RARB: variants seen among roughly 807,000 people sequenced by gnomAD.
RARB encodes HBV-activated protein.
RARB carries 17 observed loss-of-function variants against 51.9 expected under a neutral mutation model. That is an observed-to-expected ratio of 0.33 (90% CI 0.22 to 0.49). The LOEUF (loss-of-function observed/expected upper bound fraction) is 0.49, where lower values mean the gene tolerates loss of function less well. Ranked by LOEUF, RARB falls within the 20% of genes least tolerant of loss-of-function variation. The probability of loss-of-function intolerance (pLI) is 0.99; values close to 1 mark genes in which losing one functional copy is unlikely to be tolerated. For missense variants in RARB, 369 were observed against 550.8 expected (o/e 0.67, Z 3.30); for synonymous variants, 215 against 195.4 (o/e 1.10, Z -0.84).
chr3:25,021,614 C>G (rs532058908), intron 2 of RARB, among the ~76,000 whole-genome samples: 7 of 152,070 alleles, frequency 4.6e-5, no homozygotes, highest in Non-Finnish European at 1.0e-4. Context: ...ATAAACAATT[C>G]ATCTTGGTGT....
intron 5 of RARB, among the ~76,000 whole-genome samples, chr3:25,587,912 C>T (rs1236206824): frequency 6.6e-6 from 1 of 152,186 alleles, no homozygotes; most frequent in Non-Finnish European, 1.5e-5. Context: ...CTTGATGCCT[C>T]CCTCTGAGGT....
Position 25,428,531 on chromosome 3 carries a change from G to A in RARB, c.-201G>A, listed in dbSNP as rs1439827966. 3.1e-6 allele frequency: 4 copies of A among 1,275,976 alleles called. No individual in the cohort carries two copies. The highest frequency in any genetic ancestry group is 3.7e-5 in the Admixed American group (1 of 26,818). 79.0% of individuals were successfully genotyped at this position (1,275,976 alleles called of 1,614,324 possible). A position where few individuals can be genotyped will look rare whatever the true frequency, so the allele number is the denominator to read the frequency against. On this transcript the variant is annotated 5_prime_UTR_variant, in exon 1 of 8. An upstream start codon of the reference 5' UTR is lost. Transcript: ENST00000330688. Reference sequence around the variant, plus strand: ...GATTGGCCGAGCAAGCCTGGAAAATGGTAAATGATCATTTGGATCAATTAC... The same window carrying A: ...GATTGGCCGAGCAAGCCTGGAAAATAGTAAATGATCATTTGGATCAATTAC...
intron 5 of RARB, among the ~76,000 whole-genome samples, chr3:25,347,061 GA>G (rs1705416939): frequency 1.3e-5 from 2 of 152,208 alleles, no homozygotes; most frequent in African/African-American, 2.4e-5. Flanking sequence ...GGTTGAGAAT[GA>G]AGGAGTAGGT....
intron 2 of RARB, among the ~76,000 whole-genome samples, chr3:24,962,615 T>A (rs563001328): frequency 1.0e-3 from 159 of 152,188 alleles, no homozygotes; most frequent in African/African-American, 3.7e-3. Context: ...GTCAGATCAG[T>A]GGTGGCATTC....
At chr3:25,335,598 G>A (rs977915934) in intron 5 of RARB, among the ~76,000 whole-genome samples, 1 of 152,164 alleles carries the variant, frequency 6.6e-6, no homozygotes, top group Non-Finnish European at 1.5e-5. Flanking sequence ...TAGGGTAACT[G>A]CTAACAGCAT....
intron 5 of RARB, among the ~76,000 whole-genome samples, chr3:25,247,566 G>A (rs905563161): frequency 4.6e-5 from 7 of 152,140 alleles, no homozygotes; most frequent in Admixed American, 6.6e-5. Flanking sequence ...TTCCCTTGTC[G>A]AGGGGAGGGA....
At chr3:25,007,634 T>C (rs1168154991) in intron 2 of RARB, among the ~76,000 whole-genome samples, 1 of 135,994 alleles carries the variant, frequency 7.4e-6, no homozygotes, top group Admixed American at 7.8e-5. Flanking sequence ...CTGAAAGTGG[T>C]GCATACAGTT....
chr3:24,972,734 G>C (rs999540910), intron 2 of RARB, among the ~76,000 whole-genome samples: 1 of 151,944 alleles, frequency 6.6e-6, no homozygotes, highest in Non-Finnish European at 1.5e-5. Context: ...GCATTTTTTG[G>C]ATGATTAGTG....
chr3:25,472,097 G>T (rs1335465516), intron 2 of RARB, among the ~76,000 whole-genome samples: 2 of 152,174 alleles, frequency 1.3e-5, no homozygotes, highest in African/African-American at 4.8e-5. Context: ...GCATTTTCAT[G>T]TATGAAATTA....
chr3:25,346,638 T>C (rs1705403697), intron 5 of RARB, among the ~76,000 whole-genome samples: 1 of 152,194 alleles, frequency 6.6e-6, no homozygotes. Flanking sequence ...TGATTGTCTC[T>C]CACCAATTAA....
chr3:25,393,201 C>G (rs1707021291), intron 5 of RARB, among the ~76,000 whole-genome samples: 1 of 151,746 alleles, frequency 6.6e-6, no homozygotes, highest in African/African-American at 2.4e-5. Flanking sequence ...TTATTGACTT[C>G]TATATGTTAA....
chr3:25,539,605 ATT>A (rs1699290522), intron 3 of RARB, among the ~76,000 whole-genome samples: 1 of 20,682 alleles, frequency 4.8e-5, no homozygotes, highest in Admixed American at 5.0e-4. Flanking sequence ...CTTGTTTTGT[ATT>A]TCTTTTTTCC....
intron 3 of RARB, among the ~76,000 whole-genome samples, chr3:25,095,552 C>T (rs1699278973): frequency 6.6e-6 from 1 of 152,178 alleles, no homozygotes; most frequent in South Asian, 2.1e-4. Context: ...GACCAGCTGT[C>T]TGCTATTTAT....
At chr3:25,345,311 A>AT (rs1285558719) in intron 5 of RARB, among the ~76,000 whole-genome samples, 1 of 152,068 alleles carries the variant, frequency 6.6e-6, no homozygotes, top group Non-Finnish European at 1.5e-5. Flanking sequence ...ATAGCACTTT[A>AT]TTTTTCCTTT....
chr3:25,414,525 C>G (rs923878199), intron 5 of RARB, among the ~76,000 whole-genome samples: 1 of 152,158 alleles, frequency 6.6e-6, no homozygotes, highest in South Asian at 2.1e-4. Flanking sequence ...TTTCTTGCAA[C>G]AGTATATGAG....
At chr3:25,426,698 C>T (rs908731883), upstream of RARB, among the ~76,000 whole-genome samples, 26 of 152,256 alleles carry the variant, frequency 1.7e-4, no homozygotes, top group African/African-American at 6.0e-4. Flanking sequence ...GTAAATGCTA[C>T]AGAGGCAGTG....
intron 2 of RARB, among the ~76,000 whole-genome samples, chr3:24,878,536 A>G (rs997099969): frequency 5.9e-5 from 9 of 151,982 alleles, no homozygotes; most frequent in Non-Finnish European, 7.4e-5. Flanking sequence ...CTAAAGCAGG[A>G]CTCTCAACAT....
chr3:25,116,202 C>T (rs1023132661), intron 3 of RARB, among the ~76,000 whole-genome samples: 3 of 152,184 alleles, frequency 2.0e-5, no homozygotes, highest in Admixed American at 1.3e-4. Context: ...GTAGCCAAGT[C>T]TGTGAAATTG....
At chr3:25,427,573 T>G (rs1484442220), upstream of RARB, among the ~76,000 whole-genome samples, 2 of 152,200 alleles carry the variant, frequency 1.3e-5, no homozygotes, top group Non-Finnish European at 2.9e-5. Flanking sequence ...GGGTAACCAA[T>G]TCCTGACTAC....
Sources: allele counts gnomAD v4.1 joint callset (sites outside exome capture counted in the v4.1 genomes callset), GRCh38; gene constraint gnomAD v4.1.1; transcripts MANE v1.5; gene names NCBI Gene and HGNC (gene_info 2026-07-23, HGNC 2026-07-21).